Variants in NDP observed in about 807,000 individuals in gnomAD.
NDP encodes norrin.
Under a neutral mutation model 8.4 loss-of-function variants are expected in NDP, and 2 were observed. That is an observed-to-expected ratio of 0.24 (90% confidence interval 0.10 to 0.75). The LOEUF (loss-of-function observed/expected upper bound fraction) is 0.75, where lower values mean the gene tolerates loss of function less well. Ranked by LOEUF, NDP falls within the 30% of genes least tolerant of loss-of-function variation. NDP has a pLI of 0.73. For missense variants in NDP, 81 were observed against 110.1 expected (o/e 0.74, Z 1.18); for synonymous variants, 55 against 45.6 (o/e 1.21, Z -0.83).
At chrX:43,958,911 A>T (rs2035811021) in intron 1 of NDP, 59 bp from the exon 2 acceptor site, 3 of 358,335 alleles carry the variant, frequency 8.4e-6, no homozygotes, top group Non-Finnish European at 1.5e-5. Context: ...CACTAATGGA[A>T]CCCAGGAGGT....
intron 1 of NDP, among the ~76,000 whole-genome samples, chrX:43,972,102 T>A (rs1175426180): frequency 8.0e-5 from 9 of 111,981 alleles, no homozygotes; most frequent in Non-Finnish European, 1.7e-4. Flanking sequence ...AATTTGCCAA[T>A]GCCAGCTCCT....
At position 43,949,220 on chromosome X, in the gene NDP, T is replaced by TAA; in HGVS notation, c.*577_*578dup. On this transcript the variant is annotated 3_prime_UTR_variant, in exon 3 of 3. Coordinates refer to ENST00000642620, the MANE Select transcript of NDP (RefSeq NM_000266.4). ...AGCTGTCAAGAGTTCCAGCATCACATAAAAGAATCTGTTTGTTAGTTATTT... is the reference window on the plus strand; with the variant it reads ...AGCTGTCAAGAGTTCCAGCATCACATAAAAAAGAATCTGTTTGTTAGTTATTT... The TAA allele has an allele frequency of 8.6e-6, 1 of 116,382 alleles. No individual in the cohort carries two copies. The highest frequency in any genetic ancestry group is 1.8e-5 in the Non-Finnish European group (1 of 54,963). 9.6% of individuals were successfully genotyped at this position (116,382 alleles called of 1,213,427 possible).
At chrX:43,972,741 G>T (rs2035898407) in intron 1 of NDP, among the ~76,000 whole-genome samples, 1 of 112,804 alleles carries the variant, frequency 8.9e-6, no homozygotes, top group South Asian at 3.7e-4. Context: ...CAGGATTCCT[G>T]CAAAGCGTGA....
intron 2 of NDP, among the ~76,000 whole-genome samples, chrX:43,956,038 C>T (rs943009555): frequency 7.2e-5 from 8 of 111,852 alleles, no homozygotes; most frequent in Non-Finnish European, 1.1e-4. Flanking sequence ...GCAGACATTG[C>T]CACTCCCTGG....
At chrX:43,951,419 A>G (rs956754634) in intron 2 of NDP, among the ~76,000 whole-genome samples, 4 of 110,682 alleles carry the variant, frequency 3.6e-5, no homozygotes, top group African/African-American at 1.3e-4. Flanking sequence ...TGTCTCAAAA[A>G]GAAAAGAAAA....
At chrX:43,964,679 C>A (rs1207126975) in intron 1 of NDP, among the ~76,000 whole-genome samples, 5 of 111,943 alleles carry the variant, frequency 4.5e-5, no homozygotes, top group Non-Finnish European at 9.4e-5. Context: ...ATAACAATTT[C>A]ACTGCATTCT....
chrX:43,961,405 T>G (rs1028098021), intron 1 of NDP, among the ~76,000 whole-genome samples: 2 of 112,681 alleles, frequency 1.8e-5, no homozygotes, highest in South Asian at 7.2e-4. Flanking sequence ...AGGGGACTGG[T>G]TAATTATATT....
At position 43,949,319 on chromosome X, in the gene NDP, G is replaced by A. The variant is rs938895829; in HGVS notation, c.*480C>T. 2.2e-5 allele frequency: 3 copies of A among 135,863 alleles called. No homozygotes were observed. Among genetic ancestry groups the A allele is most frequent in the African/African-American group, 6.4e-5 (2 of 31,317 alleles). 11.2% of individuals were successfully genotyped at this position (135,863 alleles called of 1,213,427 possible). A position where few individuals can be genotyped will look rare whatever the true frequency, so the allele number is the denominator to read the frequency against. Reference sequence around the variant, plus strand: ...TGCTTGGTATCTGGACTTTGAAATCGGTAACCTTTAGCAGCAATGGCAACC... The same window carrying A: ...TGCTTGGTATCTGGACTTTGAAATCAGTAACCTTTAGCAGCAATGGCAACC... On this transcript the variant is annotated 3_prime_UTR_variant, in exon 3 of 3. Transcript: ENST00000642620.
At chrX:43,965,363 G>A (rs2035851818) in intron 1 of NDP, among the ~76,000 whole-genome samples, 1 of 111,038 alleles carries the variant, frequency 9.0e-6, no homozygotes, top group South Asian at 3.9e-4. Context: ...AGCCTACAGT[G>A]GGCTGTGATC....
intron 1 of NDP, 47 bp downstream of exon 1, chrX:43,973,257 A>G (rs2035901887): frequency 8.9e-6 from 1 of 111,807 alleles, no homozygotes; most frequent in African/African-American, 3.3e-5. Context: ...CGGTTTGGAA[A>G]GAAGCGATTT....
At chrX:43,962,812 C>T (rs1167218286) in intron 1 of NDP, among the ~76,000 whole-genome samples, 5 of 111,735 alleles carry the variant, frequency 4.5e-5, no homozygotes, top group East Asian at 2.8e-4. Context: ...CGTAGGCTGG[C>T]GTGCCCGACT....
chrX:43,959,670 G>A (rs1434597455), intron 1 of NDP, among the ~76,000 whole-genome samples: 1 of 111,543 alleles, frequency 9.0e-6, no homozygotes, highest in Non-Finnish European at 1.9e-5. Flanking sequence ...CAAAGGACTG[G>A]GGTCCAGAGA....
At chrX:43,967,427 G>A (rs1221232408) in intron 1 of NDP, among the ~76,000 whole-genome samples, 1 of 90,432 alleles carries the variant, frequency 1.1e-5, no homozygotes, top group Admixed American at 1.1e-4. Context: ...CACATAATTA[G>A]GTACAAATGT....
At chrX:43,970,557 C>T (rs777000883) in intron 1 of NDP, among the ~76,000 whole-genome samples, 2 of 110,906 alleles carry the variant, frequency 1.8e-5, no homozygotes, top group South Asian at 7.7e-4. Context: ...TGATAAAACA[C>T]CATACTGGGT....
rs2238974 is a variant in NDP at position 43,959,528 on chromosome X, C to T, written c.-207-676G>A. 5.8e-3 allele frequency among the ~76,000 whole-genome samples: 653 copies of T among 112,212 alleles called. 18 individuals carry two copies. In the East Asian group the frequency reaches 0.082, roughly 14 times the overall value. On this transcript the variant is annotated intron_variant, in intron 1 of 2. Transcript: ENST00000642620. The stretch of plus-strand genomic sequence containing the variant: ...CCAACAGAGTCACATTTCTGCAGAG[C>T]CTTTGTAGCCTGGGCACATGGTGTA...
intron 2 of NDP, among the ~76,000 whole-genome samples, chrX:43,956,974 A>G (rs1341290544): frequency 8.9e-6 from 1 of 111,940 alleles, no homozygotes; most frequent in East Asian, 2.8e-4. Flanking sequence ...CAGTCTTTCC[A>G]GATTGTTTTC....
chrX:43,958,773 G>A lies in NDP; in HGVS notation c.-128C>T, dbSNP rs2035810408. On this transcript the variant is annotated 5_prime_UTR_variant, in exon 2 of 3. Transcript: ENST00000642620. ...GGCAGGATCGGGCTGAAGCTTTCTG[G>A]TTGTCATTGTCCTTTATGTGCTGGA... 4 of 576,930 alleles carry A rather than the reference G, an allele frequency of 6.9e-6. No homozygotes were observed. The highest frequency in any genetic ancestry group is 5.3e-5 in the Admixed American group (2 of 37,465). The allele number at this position is 576,930 out of a possible 1,213,427, so 47.5% of individuals were successfully genotyped here. A position where few individuals can be genotyped will look rare whatever the true frequency, so the allele number is the denominator to read the frequency against.
chrX:43,951,442 T>G (rs1486987731), intron 2 of NDP, among the ~76,000 whole-genome samples: 2 of 110,432 alleles, frequency 1.8e-5, no homozygotes, highest in Admixed American at 9.7e-5. Flanking sequence ...AAAGAAAAAT[T>G]TGTCCTATAA....
chrX:43,961,518 T>C (rs2035826162), intron 1 of NDP, among the ~76,000 whole-genome samples: 1 of 112,121 alleles, frequency 8.9e-6, no homozygotes, highest in African/African-American at 3.2e-5. Flanking sequence ...AAAACACATA[T>C]TTGTATAGCA....
Sources: allele counts gnomAD v4.1 joint callset (sites outside exome capture counted in the v4.1 genomes callset), GRCh38; gene constraint gnomAD v4.1.1; transcripts MANE v1.5; gene names NCBI Gene and HGNC (gene_info 2026-07-23, HGNC 2026-07-21).